PRH2: variants seen among roughly 807,000 people sequenced by gnomAD.
The protein encoded by PRH2 is salivary acidic proline-rich phosphoprotein 1/2.
A neutral mutation model predicts 22.6 loss-of-function variants in PRH2; 19 were observed. The ratio of observed to expected loss-of-function variants is 0.84; its 90% confidence interval spans 0.59 to 1.23. PRH2 has a LOEUF of 1.23. Ranked by LOEUF, PRH2 falls within the 50% of genes most tolerant of loss-of-function variation. The pLI, the probability that PRH2 is intolerant of heterozygous loss-of-function variation, is 0.00. For synonymous variants in PRH2, 45 were observed against 72.0 expected (o/e 0.63, Z 1.90); for missense variants, 109 against 203.0 (o/e 0.54, Z 2.81).
chr12:10,930,593 G>C, intron 2 of PRH2, 69 bp from the exon 3 acceptor site: 1 of 1,598,486 alleles, frequency 6.3e-7, no homozygotes, highest in South Asian at 1.1e-5. Context: ...GTGTGGTGAA[G>C]ACAGAGAGAT....
intron 2 of PRH2, 87 bp downstream of exon 2, chr12:10,930,391 G>A: frequency 2.6e-6 from 4 of 1,540,118 alleles, no homozygotes; most frequent in Non-Finnish European, 3.6e-6. Context: ...TATCATCCTT[G>A]TCAGGAATTG....
chr12:10,929,352 G>A lies in PRH2; in HGVS notation c.64+15G>A. On this transcript the variant is annotated intron_variant, in intron 1 of 3. Transcript: ENST00000396400. ...CTTAGATGAAGGTAAGCCGAATTGG[G>A]GGAAGATATTGTGACTCTGATTGGG... 6.2e-7 allele frequency: 1 copy of A among 1,614,126 alleles called. No individual in the cohort carries two copies. The highest frequency in any genetic ancestry group is 8.5e-7 in the Non-Finnish European group (1 of 1,180,038).
chr12:10,929,959 C>A (rs1196721381), intron 1 of PRH2, among the ~76,000 whole-genome samples: 1 of 152,162 alleles, frequency 6.6e-6, no homozygotes, highest in East Asian at 1.9e-4. Context: ...TGAAAGAGGG[C>A]AGAAGGATCC....
At chr12:10,931,551 G>A (rs1464611981) in intron 3 of PRH2, among the ~76,000 whole-genome samples, 3 of 152,074 alleles carry the variant, frequency 2.0e-5, no homozygotes, top group Non-Finnish European at 4.4e-5. Context: ...AGTCATACAT[G>A]CTTAAGCTAA....
Position 10,934,691 on chromosome 12 carries a change from T to C in PRH2, c.*2484T>C, listed in dbSNP as rs1950261689. ...TGTACTAATGAATGGGCACATAGCT[T>C]TTTTCACAAAAAGATTATTTTGCCC... On this transcript the variant is annotated 3_prime_UTR_variant, in exon 4 of 4. Coordinates refer to ENST00000396400, the MANE Select transcript of PRH2 (RefSeq NM_001110213.1). Among the ~76,000 whole-genome samples the C allele has an allele frequency of 6.6e-6, 1 of 152,088 alleles. No individual in the cohort carries two copies. Among genetic ancestry groups the C allele is most frequent in the South Asian group, 2.1e-4 (1 of 4,820 alleles).
chr12:10,932,269 T>C lies in PRH2; in HGVS notation c.*62T>C. The C allele has an allele frequency of 2.4e-6, 1 of 423,522 alleles. No homozygotes were observed. The highest frequency in any genetic ancestry group is 4.9e-6 in the Non-Finnish European group (1 of 202,232). The allele number at this position is 423,522 out of a possible 1,614,324, so 26.2% of individuals were successfully genotyped here. ...ACAGTGTTTCAAATGCCTTGAAACA[T>C]AATGTGATCATGCTCTAACTTCAAT... is the stretch of plus-strand genomic sequence containing the variant. On this transcript the variant is annotated 3_prime_UTR_variant, in exon 4 of 4. Coordinates refer to ENST00000396400, the MANE Select transcript of PRH2 (RefSeq NM_001110213.1).
rs1950182624 is a variant in PRH2, at chr12:10,930,160, A to C, written c.65-109A>C. Reference sequence around the variant, plus strand: ...ATCAGAGAGTGGCTGATGAGATCTCAAAGGGGATGCACAGGGTGTGATCAG... The same window carrying C: ...ATCAGAGAGTGGCTGATGAGATCTCCAAGGGGATGCACAGGGTGTGATCAG... On this transcript the variant is annotated intron_variant, in intron 1 of 3. Transcript: ENST00000396400. The C allele has an allele frequency of 4.6e-6, 6 of 1,304,022 alleles. 1 individual carries two copies. The Admixed American group carries it at 1.1e-4, about 23-fold the overall frequency. The allele number at this position is 1,304,022 out of a possible 1,614,324, so 80.8% of individuals were successfully genotyped here.
rs1208641042 is a variant in PRH2, at chr12:10,933,028, A to G, written c.*821A>G. Among the ~76,000 whole-genome samples, 1 of 152,196 alleles carries G rather than the reference A, an allele frequency of 6.6e-6. No homozygotes were observed. The highest frequency in any genetic ancestry group is 1.5e-5 in the Non-Finnish European group (1 of 68,008). On this transcript the variant is annotated 3_prime_UTR_variant, in exon 4 of 4. Coordinates refer to ENST00000396400, the MANE Select transcript of PRH2 (RefSeq NM_001110213.1). Reference sequence around the variant, plus strand: ...ATGAATGAGAAGAAATGATTCATAAATTTTGAACTAACAGTAATAACTTCT... The same window carrying G: ...ATGAATGAGAAGAAATGATTCATAAGTTTTGAACTAACAGTAATAACTTCT...
At chr12:10,930,411 A>T in intron 2 of PRH2, 107 bp downstream of exon 2, 1 of 1,495,046 alleles carries the variant, frequency 6.7e-7, no homozygotes, top group Non-Finnish European at 9.3e-7. Flanking sequence ...GGCTAATATC[A>T]GTGCCCCAGA....
At chr12:10,932,047 C>T (rs949812141) in intron 3 of PRH2, among the ~76,000 whole-genome samples, 179 bp from the exon 4 acceptor site, 1 of 152,144 alleles carries the variant, frequency 6.6e-6, no homozygotes. Context: ...GTTTAAAGCA[C>T]ATTACGTGCA....
chr12:10,932,562 C>A lies in PRH2; in HGVS notation c.*355C>A, dbSNP rs1278847454. 6.6e-6 allele frequency among the ~76,000 whole-genome samples: 1 copy of A among 152,128 alleles called. No homozygotes were observed. The highest frequency in any genetic ancestry group is 6.5e-5 in the Admixed American group (1 of 15,276). The stretch of plus-strand genomic sequence containing the variant: ...GGTCATTTCCTGATAGTCTAGTCAG[C>A]TTATGAATGTAAGCAAAACAGGACC... On this transcript the variant is annotated 3_prime_UTR_variant, in exon 4 of 4. Coordinates refer to ENST00000396400, the MANE Select transcript of PRH2 (RefSeq NM_001110213.1).
chr12:10,929,452 G>A, intron 1 of PRH2, 115 bp downstream of exon 1: 1 of 1,285,974 alleles, frequency 7.8e-7, no homozygotes, highest in Non-Finnish European at 1.1e-6. Context: ...GGACTGAAGA[G>A]TTCTCATGCC....
At chr12:10,930,174 G>C in intron 1 of PRH2, 95 bp from the exon 2 acceptor site, 1 of 1,394,270 alleles carries the variant, frequency 7.2e-7, no homozygotes, top group East Asian at 2.3e-5. Context: ...GGGATGCACA[G>C]GGTGTGATCA....
chr12:10,930,438 T>C (rs1950188801), intron 2 of PRH2, 134 bp downstream of exon 2: 1 of 1,464,218 alleles, frequency 6.8e-7, no homozygotes, highest in Non-Finnish European at 9.4e-7. Context: ...AACAGTTTTC[T>C]CCCAACCTTG....
chr12:10,930,525 C>A, intron 2 of PRH2, 137 bp from the exon 3 acceptor site: 1 of 1,502,476 alleles, frequency 6.7e-7, no homozygotes, highest in Non-Finnish European at 8.9e-7. Context: ...AATTAGGAAG[C>A]CTTGGGAAGG....
In PRH2 at chr12:10,932,494, C is replaced by T. The variant is rs1013568432; in HGVS notation, c.*287C>T. Among the ~76,000 whole-genome samples the T allele has an allele frequency of 7.2e-5, 11 of 152,036 alleles. No individual in the cohort carries two copies. Among genetic ancestry groups the T allele is most frequent in the African/African-American group, 2.7e-4 (11 of 41,394 alleles). ...AAGGAGTTCCACTGTTTCTTTCCTT[C>T]TCTGTCTTCTTAGCTCGAATTTAAA... On this transcript the variant is annotated 3_prime_UTR_variant, in exon 4 of 4. Transcript: ENST00000396400.
intron 1 of PRH2, among the ~76,000 whole-genome samples, chr12:10,930,047 CAG>C (rs1950181003): frequency 1.3e-5 from 2 of 152,252 alleles, no homozygotes; most frequent in South Asian, 4.1e-4. Flanking sequence ...AGAGGACAAA[CAG>C]GGGCCCTTCT....
chr12:10,931,139 T>C (rs1950205825), intron 3 of PRH2, 59 bp downstream of exon 3: 2 of 1,588,666 alleles, frequency 1.3e-6, no homozygotes, highest in East Asian at 4.5e-5. Context: ...TCCAACTTCA[T>C]TGTGCCAGTG....
chr12:10,931,021 G>A lies in PRH2; in HGVS notation c.460G>A (p.Gly154Ser). The change falls in exon 3 of 4, where the codon GGC becomes AGC. Residue 154 changes from glycine (G) to serine (S), a missense_variant. This residue lies in a region of PRH2 where 41 missense variants were observed against 93.6 expected (regional missense o/e 0.44). Coordinates refer to ENST00000396400, the MANE Select transcript of PRH2 (RefSeq NM_001110213.1). ...GKPQGPPPQG[G>S]RPQGPPQGQS... ...GCCCCAGGGACCACCTCCCCAAGGGGGCCGCCCACAAGGACCTCCACAGGG... is the reference window on the plus strand; with the variant it reads ...GCCCCAGGGACCACCTCCCCAAGGGAGCCGCCCACAAGGACCTCCACAGGG... 6.3e-7 allele frequency: 1 copy of A among 1,593,298 alleles called. No homozygotes were observed. The highest frequency in any genetic ancestry group is 1.1e-5 in the South Asian group (1 of 87,202).
Sources: allele counts gnomAD v4.1 joint callset (sites outside exome capture counted in the v4.1 genomes callset), GRCh38; gene constraint gnomAD v4.1.1; regional missense constraint gnomAD v4.1.1; transcripts MANE v1.5; gene names NCBI Gene and HGNC (gene_info 2026-07-23, HGNC 2026-07-21).